Variants in MED1 observed in about 807,000 individuals in gnomAD.
MED1 encodes mediator of RNA polymerase II transcription subunit 1.
MED1 carries 17 observed loss-of-function variants against 121.3 expected under a neutral mutation model. The observed-to-expected ratio is 0.14, with a 90% CI of 0.10 to 0.21. The LOEUF is 0.21. Ranked by LOEUF, MED1 falls within the 10% of genes least tolerant of loss-of-function variation. The pLI, the probability that MED1 is intolerant of heterozygous loss-of-function variation, is 1.00. For missense variants in MED1, 1,558 were observed against 1,919.4 expected, an observed-to-expected ratio of 0.81 and a Z score of 3.52; for synonymous variants, 661 against 694.4, an observed-to-expected ratio of 0.95 and a Z score of 0.76.
In MED1 at chr17:39,405,321, C is replaced by G; in HGVS notation, c.*2154G>C. 6.2e-7 allele frequency: 1 copy of G among 1,601,256 alleles called. No homozygotes were observed. Among genetic ancestry groups the G allele is most frequent in the Non-Finnish European group, 8.5e-7 (1 of 1,174,308 alleles). ...GGGATTCTTTGATCTGGGATGAAGA[C>G]AGAAAGAGAGAAAAGCTTCCCAGTT... On this transcript the variant is annotated 3_prime_UTR_variant, in exon 17 of 17. Transcript: ENST00000300651.
intron 16 of MED1, among the ~76,000 whole-genome samples, chr17:39,412,487 G>C (rs1238620488): frequency 6.8e-6 from 1 of 147,960 alleles, no homozygotes; most frequent in East Asian, 2.0e-4. Flanking sequence ...CTCCCAAAGT[G>C]CTGGGATTAT....
chr17:39,443,433 A>G (rs1161946389), intron 3 of MED1, 117 bp downstream of exon 3: 6 of 731,006 alleles, frequency 8.2e-6, no homozygotes, highest in African/African-American at 1.8e-5. Context: ...TGCAAGAGCA[A>G]TATCTAATAC....
chr17:39,405,732 G>A lies in MED1; in HGVS notation c.*1743C>T. The stretch of plus-strand genomic sequence containing the variant: ...GGGACACAAAAGTGGCAGAGTTGTT[G>A]AGAGCTGATGACAATAAAAAGGAGA... On this transcript the variant is annotated 3_prime_UTR_variant, in exon 17 of 17. Transcript: ENST00000300651. 1.0e-6 allele frequency: 1 copy of A among 989,874 alleles called. No homozygotes were observed. The highest frequency in any genetic ancestry group is 1.7e-5 in the African/African-American group (1 of 57,444). The allele number at this position is 989,874 out of a possible 1,614,324, so 61.3% of individuals were successfully genotyped here.
intron 3 of MED1, among the ~76,000 whole-genome samples, chr17:39,443,062 C>T (rs1000504304): frequency 2.5e-5 from 3 of 121,358 alleles, no homozygotes; most frequent in South Asian, 2.7e-4. Context: ...AGTGTAATGG[C>T]GTGATTTTGG....
At chr17:39,411,042 C>T (rs998816306) in intron 16 of MED1, among the ~76,000 whole-genome samples, 3 of 152,102 alleles carry the variant, frequency 2.0e-5, no homozygotes, top group Non-Finnish European at 2.9e-5. Context: ...CCTTAGGGGC[C>T]GGGCACAGTG....
chr17:39,405,303 T>C lies in MED1; in HGVS notation c.*2172A>G, dbSNP rs1231273897. The C allele has an allele frequency of 6.2e-7, 1 of 1,604,802 alleles. No individual in the cohort carries two copies. The highest frequency in any genetic ancestry group is 1.1e-5 in the South Asian group (1 of 89,086). ...TCATCCAGATCCTAACTCGGGATTC[T>C]TTGATCTGGGATGAAGACAGAAAGA... On this transcript the variant is annotated 3_prime_UTR_variant, in exon 17 of 17. Transcript: ENST00000300651.
rs770651048 is a variant in MED1, at chr17:39,410,192, G to A, written c.2029C>T (p.Arg677Cys). 8.1e-6 allele frequency: 13 copies of A among 1,613,916 alleles called. No individual in the cohort carries two copies. The highest frequency in any genetic ancestry group is 6.7e-5 in the Admixed American group (4 of 59,976). ...ERQNSSSGSPRMEICSGSNKT... is the reference protein window; with the variant it reads ...ERQNSSSGSPCMEICSGSNKT... ...TTGCTCCCCGAGCATATTTCCATGCGGGGTGAGCCGGAAGAGGAGTTCTGC... is the reference window on the plus strand; with the variant it reads ...TTGCTCCCCGAGCATATTTCCATGCAGGGTGAGCCGGAAGAGGAGTTCTGC... Residue 677 changes from arginine to cysteine, a missense_variant, in exon 17 of 17, where the codon CGC becomes TGC. Physicochemically the swap from Arg to Cys is radical, Grantham distance 180. Transcript: ENST00000300651.
At chr17:39,432,644 C>T (rs1276207092) in intron 7 of MED1, among the ~76,000 whole-genome samples, 2 of 151,530 alleles carry the variant, frequency 1.3e-5, no homozygotes, top group African/African-American at 2.4e-5. Flanking sequence ...GTCCCAGCTA[C>T]TTGGGAGACT....
At position 39,406,399 on chromosome 17, in the gene MED1, C is replaced by T. The variant is rs2048303795; in HGVS notation, c.*1076G>A. 3 of 985,394 alleles carry T rather than the reference C, an allele frequency of 3.0e-6. No individual in the cohort carries two copies. The highest frequency in any genetic ancestry group is 2.4e-6 in the Non-Finnish European group (2 of 829,924). 61.0% of individuals were successfully genotyped at this position (985,394 alleles called of 1,614,324 possible). A position where few individuals can be genotyped will look rare whatever the true frequency, so the allele number is the denominator to read the frequency against. On this transcript the variant is annotated 3_prime_UTR_variant, in exon 17 of 17. Transcript: ENST00000300651. ...AGCTCTTAGGAATGGCATCAGTTCT[C>T]CTGCAAACAAAATGCTGGGATGCAG... is the stretch of plus-strand genomic sequence containing the variant.
chr17:39,446,709 G>A (rs922775946), intron 2 of MED1, among the ~76,000 whole-genome samples: 4 of 151,788 alleles, frequency 2.6e-5, no homozygotes, highest in Admixed American at 1.3e-4. Flanking sequence ...AAGAGGCAGA[G>A]GTTGCAGTGA....
Position 39,408,083 on chromosome 17 carries a change from CTG to C in MED1, c.4136_4137del (p.Ser1379Ter). ...CCTGTGCTCCCCACATTTTTTGACTCTGAGGTCTTCTTAGAAGAATCCACTGA... is the reference window on the plus strand; with the variant it reads ...CCTGTGCTCCCCACATTTTTTGACTCAGGTCTTCTTAGAAGAATCCACTGA... Reference protein sequence around the residue: ...GSSVDSSKKTSESKNVGSTGV... With the variant: ...GSSVDSSKKTXESKNVGSTGV... On this transcript the variant is annotated frameshift_variant, in exon 17 of 17. Transcript: ENST00000300651. LOFTEE classifies it high-confidence loss of function. The surrounding 1 kb of genome is among the most constrained non-coding windows in gnomAD (Gnocchi z 4.7). 6.2e-7 allele frequency: 1 copy of C among 1,614,190 alleles called. No individual in the cohort carries two copies. The highest frequency in any genetic ancestry group is 8.5e-7 in the Non-Finnish European group (1 of 1,180,034).
rs2048331621 is a variant in MED1 at position 39,409,153 on chromosome 17, G to C, written c.3068C>G (p.Ser1023Cys). The change falls in exon 17 of 17, where the codon TCT becomes TGT. Residue 1023 changes from serine to cysteine, a missense_variant. Around this residue, in one of 5 missense-constraint regions of MED1, gnomAD observed 793 missense variants for 898.2 expected, o/e 0.88. Coordinates refer to ENST00000300651, the MANE Select transcript of MED1 (RefSeq NM_004774.4). ...AAAAGGTCTGTTAGAAGAACTATGA[G>C]ATGGAGACTTTCCCTCAGTGTCTGC... is the stretch of plus-strand genomic sequence containing the variant. ...KKADTEGKSP[S>C]HSSSNRPFTP... 3 of 1,614,078 alleles carry C rather than the reference G, an allele frequency of 1.9e-6. No individual in the cohort carries two copies. Among genetic ancestry groups the C allele is most frequent in the Non-Finnish European group, 2.5e-6 (3 of 1,180,042 alleles).
chr17:39,419,290 C>T (rs1449079933), intron 14 of MED1, among the ~76,000 whole-genome samples: 5 of 148,908 alleles, frequency 3.4e-5, no homozygotes, highest in Non-Finnish European at 5.9e-5. Context: ...TTCCTCAGAC[C>T]GATCTCAAAT....
chr17:39,423,195 TA>T (rs2048483850), intron 13 of MED1, 131 bp downstream of exon 13: 1 of 731,912 alleles, frequency 1.4e-6, no homozygotes, highest in African/African-American at 1.8e-5. Flanking sequence ...TTTCCTGCCT[TA>T]CTAAAGAAAT....
chr17:39,436,317 C>T (rs1433850391), intron 6 of MED1, among the ~76,000 whole-genome samples: 1 of 145,274 alleles, frequency 6.9e-6, no homozygotes, highest in Non-Finnish European at 1.5e-5. Flanking sequence ...GCAGAGAGCA[C>T]ACCACTGCAC....
At chr17:39,416,116 C>T (rs535726541) in intron 14 of MED1, among the ~76,000 whole-genome samples, 1 of 152,134 alleles carries the variant, frequency 6.6e-6, no homozygotes, top group South Asian at 2.1e-4. Context: ...ATGTCATCCA[C>T]AGATGACAGA....
intron 6 of MED1, among the ~76,000 whole-genome samples, chr17:39,437,957 T>TA (rs1313192128): frequency 6.7e-6 from 1 of 148,902 alleles, no homozygotes; most frequent in Non-Finnish European, 1.5e-5. Context: ...AAAATAAAAA[T>TA]AAAAAAACAG....
In MED1 at chr17:39,427,765, A is replaced by G. The variant is rs1469648310; in HGVS notation, c.675T>C (p.Tyr225=). Residue 225 remains tyrosine (Y), a synonymous_variant, in exon 10 of 17, where the codon TAT becomes TAC. Coordinates refer to ENST00000300651, the MANE Select transcript of MED1 (RefSeq NM_004774.4). ...CATCCAGTAGGTCAGAAGGAGAGAC[A>G]TAGTACTTCAGGTTCATTAAATGAC... ...SGGHLMNLKY[Y]VSPSDLLDDK... is the part of the protein sequence containing the mutation. 5.6e-6 allele frequency: 9 copies of G among 1,602,036 alleles called. No individual in the cohort carries two copies. Among genetic ancestry groups the G allele is most frequent in the Admixed American group, 1.7e-5 (1 of 59,708 alleles).
chr17:39,444,515 A>C (rs2048708210), intron 2 of MED1, among the ~76,000 whole-genome samples: 1 of 151,160 alleles, frequency 6.6e-6, no homozygotes. Flanking sequence ...CAAAAAAAAA[A>C]AGAAAAAGAA....
Sources: allele counts gnomAD v4.1 joint callset (sites outside exome capture counted in the v4.1 genomes callset), GRCh38; gene constraint gnomAD v4.1.1; regional missense constraint gnomAD v4.1.1; non-coding constraint Gnocchi (gnomAD v3.1); transcripts MANE v1.5; gene names NCBI Gene and HGNC (gene_info 2026-07-23, HGNC 2026-07-21).